CASK: variants seen among roughly 807,000 people sequenced by gnomAD.
CASK encodes calcium/calmodulin dependent serine protein kinase.
Under a neutral mutation model 82.9 loss-of-function variants are expected in CASK, and 4 were observed. The ratio of observed to expected loss-of-function variants is 0.05; its 90% CI spans 0.02 to 0.11. The LOEUF is 0.11. CASK is among the 10% of genes least tolerant of loss of function. The pLI is 1.00. For synonymous variants in CASK, 259 were observed against 253.5 expected (o/e 1.02, Z -0.20); for missense variants, 358 against 720.9 (o/e 0.50, Z 5.76).
intron 1 of CASK, among the ~76,000 whole-genome samples, chrX:41,906,536 T>G (rs2072473304): frequency 8.9e-6 from 1 of 112,567 alleles, no homozygotes; most frequent in African/African-American, 3.2e-5. Context: ...ACTCTGGAAG[T>G]AGCACCCGGC....
chrX:41,744,847 TGAA>T lies in CASK; in HGVS notation c.356+674_356+676del, dbSNP rs761173754. ...AATTTGATATCACTAAAAGGCAAAA[TGAA>T]GAACTAATGAGGCAGATTTGCCAAA... On this transcript the variant is annotated intron_variant, in intron 4 of 26. Coordinates refer to ENST00000378163, the MANE Select transcript of CASK (RefSeq NM_001367721.1). Among the ~76,000 whole-genome samples, 9 of 111,134 alleles carry T rather than the reference TGAA, an allele frequency of 8.1e-5. No homozygotes were observed. In the East Asian group the frequency reaches 2.0e-3, roughly 24 times the overall value.
At chrX:41,838,920 T>C (rs1327007533) in intron 2 of CASK, among the ~76,000 whole-genome samples, 2 of 111,735 alleles carry the variant, frequency 1.8e-5, no homozygotes, top group East Asian at 2.8e-4. Flanking sequence ...TCTTTCTTCA[T>C]TGAATTGAGT....
At chrX:41,897,757 G>C (rs1393663897) in intron 1 of CASK, among the ~76,000 whole-genome samples, 2 of 111,418 alleles carry the variant, frequency 1.8e-5, no homozygotes, top group Non-Finnish European at 3.8e-5. Context: ...TGTACACTAA[G>C]AGGTAGTGAT....
chrX:41,678,291 C>T (rs1366655625), intron 5 of CASK, among the ~76,000 whole-genome samples: 1 of 110,823 alleles, frequency 9.0e-6, no homozygotes, highest in Non-Finnish European at 1.9e-5. Flanking sequence ...TGTAACAGAT[C>T]CCCTTCCTTA....
Position 41,557,055 on chromosome X carries a change from T to C in CASK, c.1783A>G (p.Ser595Gly). The part of the protein sequence containing the change: ...TSRQSPANGH[S>G]STNNSVSDLP... ...ACCGAAACAGAATTGTTAGTGCTGC[T>C]ATGACCATTAGCTGGGGACTGTCTG... The change falls in exon 19 of 27, where the codon AGC becomes GGC. Residue 595 changes from serine (S) to glycine (G), a missense_variant. Transcript: ENST00000378163. 1 of 1,209,422 alleles carries C rather than the reference T, an allele frequency of 8.3e-7. No individual in the cohort carries two copies. Among genetic ancestry groups the C allele is most frequent in the Non-Finnish European group, 1.1e-6 (1 of 893,336 alleles).
chrX:41,600,269 TAGCAC>T (rs1412122976), intron 12 of CASK, among the ~76,000 whole-genome samples: 1 of 112,241 alleles, frequency 8.9e-6, no homozygotes, highest in Non-Finnish European at 1.9e-5. Context: ...TTAAAGAGAA[TAGCAC>T]AAAGGCAGTC....
Position 41,555,641 on chromosome X carries a change from G to A in CASK, c.1807-6C>T. 8.4e-7 allele frequency: 1 copy of A among 1,192,998 alleles called. No homozygotes were observed. The highest frequency in any genetic ancestry group is 1.7e-5 in the African/African-American group (1 of 57,371). The stretch of plus-strand genomic sequence containing the variant: ...TGGGTAGTTGATGGCAAGTCCTGTA[G>A]AATAAAGCCAACCCAGGAGAAAAAT... On this transcript the variant is annotated splice_polypyrimidine_tract_variant and splice_region_variant and intron_variant, in intron 19 of 26. Coordinates refer to ENST00000378163, the MANE Select transcript of CASK (RefSeq NM_001367721.1).
At chrX:41,605,408 T>C (rs2065943913) in intron 12 of CASK, among the ~76,000 whole-genome samples, 1 of 107,685 alleles carries the variant, frequency 9.3e-6, no homozygotes, top group South Asian at 4.2e-4. Flanking sequence ...ACTAGCCTGG[T>C]AGCCTGGGCA....
intron 14 of CASK, chrX:41,586,615 T>C: frequency 5.1e-6 from 1 of 196,220 alleles, no homozygotes; most frequent in Non-Finnish European, 9.4e-6. Context: ...GTGGTTTAAG[T>C]AACATAAACA....
At chrX:41,670,852 G>T (rs2067187637) in intron 6 of CASK, among the ~76,000 whole-genome samples, 1 of 111,806 alleles carries the variant, frequency 8.9e-6, no homozygotes, top group South Asian at 3.7e-4. Flanking sequence ...AAGGAATTGA[G>T]TTATATGAAA....
intron 12 of CASK, among the ~76,000 whole-genome samples, chrX:41,593,290 C>T (rs1165646207): frequency 1.8e-5 from 2 of 110,988 alleles, no homozygotes; most frequent in African/African-American, 6.6e-5. Context: ...GCTGCTGGCT[C>T]ATCAACCAAA....
intron 3 of CASK, among the ~76,000 whole-genome samples, chrX:41,782,020 A>G (rs776631725): frequency 6.2e-5 from 7 of 112,025 alleles, no homozygotes; most frequent in Non-Finnish European, 1.3e-4. Flanking sequence ...AAAACTGAGT[A>G]TCAACTGATC....
rs775963628 is a variant in CASK, at chrX:41,520,458, T to C, written c.2743A>G (p.Thr915Ala). ...GAGACAGGGACCCACTGTGGGGCTG[T>C]GCACACGAGCTCAACAGCTTCCTCC... The part of the protein sequence containing the change: ...HLEEAVELVC[T>A]APQWVPVSWV... Residue 915 changes from threonine (T) to alanine (A), a missense_variant, in exon 27 of 27, where the codon ACA (threonine) becomes GCA (alanine). Coordinates refer to ENST00000378163, the MANE Select transcript of CASK (RefSeq NM_001367721.1). The C allele has an allele frequency of 6.6e-6, 8 of 1,210,372 alleles. No individual in the cohort carries two copies. Among genetic ancestry groups the C allele is most frequent in the African/African-American group, 5.2e-5 (3 of 57,776 alleles).
At chrX:41,684,640 G>A (rs1251364186) in intron 5 of CASK, among the ~76,000 whole-genome samples, 1 of 110,868 alleles carries the variant, frequency 9.0e-6, no homozygotes, top group East Asian at 2.8e-4. Flanking sequence ...AGGATTACAG[G>A]AGCGTGCCAC....
chrX:41,630,796 G>T (rs1010129322), intron 9 of CASK, among the ~76,000 whole-genome samples: 2 of 111,608 alleles, frequency 1.8e-5, no homozygotes, highest in African/African-American at 3.3e-5. Flanking sequence ...GCCCTAAAAA[G>T]GGTGGAGAAT....
intron 3 of CASK, among the ~76,000 whole-genome samples, chrX:41,774,979 G>T (rs1308187646): frequency 9.0e-6 from 1 of 111,291 alleles, no homozygotes; most frequent in Non-Finnish European, 1.9e-5. Context: ...CATGGGCAAG[G>T]ACTTCATGTC....
At chrX:41,912,790 T>TTATATATA (rs202164173) in intron 1 of CASK, among the ~76,000 whole-genome samples, 12,384 of 97,665 alleles carry the variant, frequency 0.13, 1,063 homozygotes, top group Middle Eastern at 0.24. Flanking sequence ...TGCAAGTAAT[T>TTATATATA]TATATATATA....
chrX:41,878,767 C>T lies in CASK; in HGVS notation c.60-25540G>A, dbSNP rs183526394. ...ACTGGTGGGAGGGAAAGGTCGGGGGCGTGAGGGATAAAAGGCTATAAACTG... is the reference window on the plus strand; with the variant it reads ...ACTGGTGGGAGGGAAAGGTCGGGGGTGTGAGGGATAAAAGGCTATAAACTG... On this transcript the variant is annotated intron_variant, in intron 1 of 26. Coordinates refer to ENST00000378163, the MANE Select transcript of CASK (RefSeq NM_001367721.1). Among the ~76,000 whole-genome samples, 170 of 110,139 alleles carry T rather than the reference C, an allele frequency of 1.5e-3. 1 individual carries two copies. Among genetic ancestry groups the T allele is most frequent in the African/African-American group, 5.4e-3 (163 of 30,334 alleles).
chrX:41,652,619 G>A (rs2066881038), intron 8 of CASK, among the ~76,000 whole-genome samples: 1 of 110,945 alleles, frequency 9.0e-6, no homozygotes, highest in Non-Finnish European at 1.9e-5. Context: ...GGGGCTGAAG[G>A]TTGAGTTGAC....
Sources: gnomAD v4.1 joint callset for allele counts (sites outside exome capture counted in the v4.1 genomes callset) on GRCh38, gnomAD v4.1.1 for gene constraint, MANE v1.5 for transcripts, NCBI Gene and HGNC (gene_info 2026-07-23, HGNC 2026-07-21) for gene names.